Variants in NARS2 observed in about 807,000 individuals in gnomAD.
NARS2 encodes asparaginyl-tRNA synthetase.
NARS2 carries 60 observed loss-of-function variants against 62.9 expected under a neutral mutation model. The observed-to-expected ratio is 0.95, with a 90% CI of 0.77 to 1.18. NARS2 has a LOEUF of 1.18. NARS2 is among the 50% of genes most tolerant of loss of function. NARS2 has a pLI of 0.00. For synonymous variants in NARS2, 196 were observed against 200.0 expected (o/e 0.98, Z 0.17); for missense variants, 619 against 576.4 (o/e 1.07, Z -0.76).
chr11:78,443,382 T>G (rs1857640845), intron 12 of NARS2, among the ~76,000 whole-genome samples: 1 of 151,688 alleles, frequency 6.6e-6, no homozygotes, highest in South Asian at 2.1e-4. Flanking sequence ...GGGGGAACTC[T>G]CTCTTCACAT....
intron 6 of NARS2, among the ~76,000 whole-genome samples, chr11:78,508,600 C>CA (rs1326487352): frequency 1.4e-5 from 2 of 142,314 alleles, no homozygotes; most frequent in Non-Finnish European, 1.5e-5. Flanking sequence ...AAAAAAAAAA[C>CA]AAAAAACAAA....
intron 6 of NARS2, among the ~76,000 whole-genome samples, chr11:78,527,511 A>G (rs1861334462): frequency 6.6e-6 from 1 of 152,186 alleles, no homozygotes; most frequent in South Asian, 2.1e-4. Flanking sequence ...CAAATAACAT[A>G]TTTTTGTTTC....
At position 78,571,416 on chromosome 11, in the gene NARS2, T is replaced by C. The variant is rs1486255821; in HGVS notation, c.170A>G (p.Lys57Arg). 4.3e-6 allele frequency: 7 copies of C among 1,613,354 alleles called. No homozygotes were observed. The highest frequency in any genetic ancestry group is 5.9e-6 in the Non-Finnish European group (7 of 1,179,742). The part of the protein sequence containing the change: ...QGWIRSVRSQ[K>R]EVLFLHVNDG... ...ATTTACATGCAGGAACAAGACTTCC[T>C]TCTGGGATCGGACAGAACGAATCCA... Residue 57 changes from lysine to arginine, a missense_variant, in exon 2 of 14, where the codon AAG becomes AGG. Transcript: ENST00000281038.
In NARS2 at chr11:78,562,867, T is replaced by C. The variant is rs117478209; in HGVS notation, c.514-3248A>G. 1.6e-4 allele frequency among the ~76,000 whole-genome samples: 25 copies of C among 152,378 alleles called. 1 individual carries two copies. In the East Asian group the frequency reaches 3.9e-3, roughly 23 times the overall value. On this transcript the variant is annotated intron_variant, in intron 4 of 13. Coordinates refer to ENST00000281038, the MANE Select transcript of NARS2 (RefSeq NM_024678.6). ...AGTTTCCATTTTTCCCCCACATTTC[T>C]ATATTTTAATTAACAAAACTGAAAC...
intron 11 of NARS2, among the ~76,000 whole-genome samples, chr11:78,465,234 G>A (rs191805797): frequency 5.6e-4 from 85 of 152,350 alleles, no homozygotes; most frequent in African/African-American, 1.6e-3. Context: ...CCTGGAACTC[G>A]CACTGGCCCG....
chr11:78,450,832 G>A (rs949114782), intron 11 of NARS2, among the ~76,000 whole-genome samples: 2 of 151,854 alleles, frequency 1.3e-5, no homozygotes, highest in Non-Finnish European at 2.9e-5. Context: ...ATGCCACCAC[G>A]CCTGGCTAAT....
chr11:78,485,204 G>C (rs1859518517), intron 7 of NARS2, among the ~76,000 whole-genome samples: 1 of 152,106 alleles, frequency 6.6e-6, no homozygotes, highest in African/African-American at 2.4e-5. Flanking sequence ...ATGGACACAG[G>C]GAGGGGAACA....
At chr11:78,488,827 A>G (rs1859689444) in intron 7 of NARS2, among the ~76,000 whole-genome samples, 1 of 152,172 alleles carries the variant, frequency 6.6e-6, no homozygotes, top group Non-Finnish European at 1.5e-5. Flanking sequence ...ACAAAGACCC[A>G]AAAGCAATTC....
At chr11:78,561,145 A>G (rs1315053120) in intron 4 of NARS2, among the ~76,000 whole-genome samples, 1 of 152,222 alleles carries the variant, frequency 6.6e-6, no homozygotes, top group Non-Finnish European at 1.5e-5. Flanking sequence ...ATACTTAACT[A>G]ATGCTAAACA....
chr11:78,451,366 C>G (rs1857966474), intron 11 of NARS2, among the ~76,000 whole-genome samples: 1 of 152,196 alleles, frequency 6.6e-6, no homozygotes. Flanking sequence ...ACCTCTTTCT[C>G]CTGGGTTCTC....
At chr11:78,468,415 T>A (rs1489368554) in intron 10 of NARS2, among the ~76,000 whole-genome samples, 1 of 150,232 alleles carries the variant, frequency 6.7e-6, no homozygotes, top group Non-Finnish European at 1.5e-5. Flanking sequence ...GGTCATCTTT[T>A]TTTTTTTTTT....
rs1156884616 is a variant in NARS2 at position 78,465,961 on chromosome 11, C to T, written c.1079G>A (p.Gly360Asp). 2 of 1,613,768 alleles carry T rather than the reference C, an allele frequency of 1.2e-6. No homozygotes were observed. The highest frequency in any genetic ancestry group is 2.2e-5 in the East Asian group (1 of 44,882). The change falls in exon 11 of 14, where the codon GGC becomes GAC. Residue 360 changes from glycine (G) to aspartate (D), a missense_variant. Coordinates refer to ENST00000281038, the MANE Select transcript of NARS2 (RefSeq NM_024678.6). Reference sequence around the variant, plus strand: ...ATTAATAACGAAGACAGGTATGTTGCCACAGTGCTTCACCAGGTACTTTTC... The same window carrying T: ...ATTAATAACGAAGACAGGTATGTTGTCACAGTGCTTCACCAGGTACTTTTC... Reference protein sequence around the residue: ...EHEKYLVKHCGNIPVFVINYP... With the variant: ...EHEKYLVKHCDNIPVFVINYP...
At position 78,466,777 on chromosome 11, in the gene NARS2, G is replaced by A. The variant is rs564463671; in HGVS notation, c.1027-764C>T. Among the ~76,000 whole-genome samples, 6 of 152,304 alleles carry A rather than the reference G, an allele frequency of 3.9e-5. No individual in the cohort carries two copies. In the East Asian group the frequency reaches 1.2e-3, roughly 29 times the overall value. On this transcript the variant is annotated intron_variant, in intron 10 of 13. Transcript: ENST00000281038. ...ATTACAGGTGTGAGCCACAGTGATG[G>A]CCGGTGACTTCTTTTTAAATAAAAA... is the stretch of plus-strand genomic sequence containing the variant.
chr11:78,562,609 A>G (rs959046851), intron 4 of NARS2, among the ~76,000 whole-genome samples: 3 of 152,164 alleles, frequency 2.0e-5, no homozygotes, highest in African/African-American at 7.2e-5. Flanking sequence ...TCATTTTAGG[A>G]ACACTTCCAC....
chr11:78,475,948 G>A lies in NARS2; in HGVS notation c.959+2490C>T, dbSNP rs558482702. On this transcript the variant is annotated intron_variant, in intron 9 of 13. Coordinates refer to ENST00000281038, the MANE Select transcript of NARS2 (RefSeq NM_024678.6). ...CTAACAGGTGTGAGTGGTTATCTCA[G>A]TGCGGTTTTAATTTGCATTTTATTG... is the stretch of plus-strand genomic sequence containing the variant. Among the ~76,000 whole-genome samples, 6 of 152,216 alleles carry A rather than the reference G, an allele frequency of 3.9e-5. No individual in the cohort carries two copies. In the South Asian group the frequency reaches 8.3e-4, roughly 21 times the overall value.
intron 4 of NARS2, among the ~76,000 whole-genome samples, chr11:78,563,361 G>A (rs1220920826): frequency 6.6e-6 from 1 of 151,316 alleles, no homozygotes; most frequent in East Asian, 2.0e-4. Flanking sequence ...GGGACTACAG[G>A]CACGCAACAC....
At chr11:78,472,477 GTACTC>G (rs1188935350) in intron 9 of NARS2, among the ~76,000 whole-genome samples, 1 of 152,118 alleles carries the variant, frequency 6.6e-6, no homozygotes, top group Non-Finnish European at 1.5e-5. Flanking sequence ...AAAAAGGTAA[GTACTC>G]TACATTTTCA....
At chr11:78,512,773 A>T (rs919473005) in intron 6 of NARS2, among the ~76,000 whole-genome samples, 2 of 152,186 alleles carry the variant, frequency 1.3e-5, no homozygotes, top group Non-Finnish European at 2.9e-5. Flanking sequence ...AAAAAATTTT[A>T]AAATTTTTTA....
At chr11:78,540,303 G>A (rs914692688) in intron 5 of NARS2, among the ~76,000 whole-genome samples, 1 of 152,074 alleles carries the variant, frequency 6.6e-6, no homozygotes, top group African/African-American at 2.4e-5. Context: ...ATTTTGAATT[G>A]CCCTCCAGTT....
Sources: gnomAD v4.1 joint callset for allele counts (sites outside exome capture counted in the v4.1 genomes callset) on GRCh38, gnomAD v4.1.1 for gene constraint, MANE v1.5 for transcripts, NCBI Gene and HGNC (gene_info 2026-07-23, HGNC 2026-07-21) for gene names.